CRPPA: variants seen among roughly 807,000 people sequenced by gnomAD.
CRPPA encodes D-ribitol-5-phosphate cytidylyltransferase.
CRPPA carries 43 observed loss-of-function variants against 52.0 expected under a neutral mutation model. The observed-to-expected ratio is 0.83, with a 90% CI of 0.65 to 1.07. The LOEUF (loss-of-function observed/expected upper bound fraction) is 1.07, where lower values mean the gene tolerates loss of function less well. Ranked by LOEUF, CRPPA falls within the 50% of genes least tolerant of loss-of-function variation. CRPPA has a pLI of 0.00. For synonymous variants in CRPPA, 250 were observed against 203.5 expected (o/e 1.23, Z -1.94); for missense variants, 629 against 551.7 (o/e 1.14, Z -1.40).
chr7:16,266,470 T>C (rs531165288), intron 6 of CRPPA, among the ~76,000 whole-genome samples: 2 of 140,656 alleles, frequency 1.4e-5, no homozygotes, highest in South Asian at 4.4e-4. Context: ...AAGGCTCCCG[T>C]TTTTTGTTTT....
At position 16,089,447 on chromosome 7, in the gene CRPPA, GCATA is replaced by G. The variant is rs1325312102; in HGVS notation, c.*2244_*2247del. The G allele has an allele frequency of 6.9e-6, 2 of 290,598 alleles. No homozygotes were observed. Among genetic ancestry groups the G allele is most frequent in the African/African-American group, 5.7e-5 (2 of 35,114 alleles). The allele number at this position is 290,598 out of a possible 1,614,324, so 18.0% of individuals were successfully genotyped here. The stretch of plus-strand genomic sequence containing the variant: ...TACATATATGTGTATATATGTACGT[GCATA>G]CATATATGTGTATATATGTACGTAC... On this transcript the variant is annotated 3_prime_UTR_variant, in exon 10 of 10. Transcript: ENST00000407010.
At chr7:16,334,661 A>G (rs777076630) in intron 3 of CRPPA, among the ~76,000 whole-genome samples, 1 of 152,150 alleles carries the variant, frequency 6.6e-6, no homozygotes, top group Non-Finnish European at 1.5e-5. Flanking sequence ...AACTCAGGTG[A>G]CAGCCTCAAC....
intron 3 of CRPPA, among the ~76,000 whole-genome samples, chr7:16,311,553 C>T (rs1280039450): frequency 6.6e-6 from 1 of 152,044 alleles, no homozygotes; most frequent in Non-Finnish European, 1.5e-5. Flanking sequence ...TGATGTACCA[C>T]AGTTTGTTTA....
intron 9 of CRPPA, among the ~76,000 whole-genome samples, chr7:16,185,728 T>C (rs759606398): frequency 2.3e-4 from 35 of 152,208 alleles, no homozygotes; most frequent in Admixed American, 1.3e-4. Flanking sequence ...AAATAAATTT[T>C]CTAGGTATCA....
intron 3 of CRPPA, among the ~76,000 whole-genome samples, chr7:16,352,746 T>C (rs185692724): frequency 2.6e-5 from 4 of 152,290 alleles, no homozygotes; most frequent in African/African-American, 9.6e-5. Context: ...CTTCTGGGTA[T>C]ATATCCAAAG....
intron 2 of CRPPA, among the ~76,000 whole-genome samples, chr7:16,387,975 TTTA>T (rs1187818173): frequency 6.6e-6 from 1 of 152,150 alleles, no homozygotes; most frequent in African/African-American, 2.4e-5. Context: ...TGGAAACTAA[TTTA>T]TTCTTTTCTT....
At chr7:16,206,850 C>T (rs931388523) in intron 9 of CRPPA, among the ~76,000 whole-genome samples, 5 of 152,052 alleles carry the variant, frequency 3.3e-5, no homozygotes, top group African/African-American at 1.2e-4. Context: ...ATTAAACCAA[C>T]TCATTTCTAA....
At chr7:16,389,030 A>C (rs1200024099) in intron 2 of CRPPA, among the ~76,000 whole-genome samples, 10 of 152,244 alleles carry the variant, frequency 6.6e-5, no homozygotes, top group Admixed American at 6.5e-4. Context: ...TAAAATTAAC[A>C]TATTCCTAGA....
intron 8 of CRPPA, among the ~76,000 whole-genome samples, chr7:16,249,395 T>G (rs1783376107): frequency 6.6e-6 from 1 of 152,152 alleles, no homozygotes; most frequent in Admixed American, 6.5e-5. Context: ...ACCGACTGCC[T>G]GCTCAAGTGG....
intron 9 of CRPPA, among the ~76,000 whole-genome samples, chr7:16,094,833 C>A (rs575365100): frequency 1.4e-4 from 21 of 152,150 alleles, no homozygotes; most frequent in Admixed American, 6.6e-4. Flanking sequence ...ATATACCTGA[C>A]AAGTGCTCCT....
chr7:16,314,861 T>G (rs1365652350), intron 3 of CRPPA, among the ~76,000 whole-genome samples: 2 of 152,076 alleles, frequency 1.3e-5, no homozygotes, highest in African/African-American at 4.8e-5. Flanking sequence ...TTAGGTGTAG[T>G]TTATTTGGAA....
At chr7:16,257,062 G>T (rs1783662290) in intron 8 of CRPPA, among the ~76,000 whole-genome samples, 1 of 152,080 alleles carries the variant, frequency 6.6e-6, no homozygotes, top group African/African-American at 2.4e-5. Flanking sequence ...GGGCCTAGCA[G>T]TGTGCTAGAA....
At chr7:16,114,457 A>G (rs1186938328) in intron 9 of CRPPA, among the ~76,000 whole-genome samples, 1 of 152,106 alleles carries the variant, frequency 6.6e-6, no homozygotes, top group Non-Finnish European at 1.5e-5. Context: ...GTGGCAACTA[A>G]GGGCAAACTG....
At chr7:16,345,966 G>A (rs1432762557) in intron 3 of CRPPA, among the ~76,000 whole-genome samples, 1 of 152,092 alleles carries the variant, frequency 6.6e-6, no homozygotes, top group Non-Finnish European at 1.5e-5. Context: ...ATTTCTCAAA[G>A]TCTCGTTGTA....
chr7:16,286,098 ATAT>A lies in CRPPA; in HGVS notation c.836-7875_836-7873del, dbSNP rs1194351042. 1.9e-3 allele frequency among the ~76,000 whole-genome samples: 36 copies of A among 19,138 alleles called. 4 individuals carry two copies. The highest frequency in any genetic ancestry group is 7.9e-3 in the African/African-American group (27 of 3,408). The allele number at this position is 19,138 out of a possible 152,430, so 12.6% of individuals were successfully genotyped here. A position where few individuals can be genotyped will look rare whatever the true frequency, so the allele number is the denominator to read the frequency against. On this transcript the variant is annotated intron_variant, in intron 5 of 9. Transcript: ENST00000407010. The stretch of plus-strand genomic sequence containing the variant: ...ATATATATAATATTTAAAAAAAAAA[ATAT>A]ATATATATATATATATGCCAAAAAG...
At chr7:16,291,364 G>A (rs1784560948) in intron 5 of CRPPA, among the ~76,000 whole-genome samples, 1 of 151,864 alleles carries the variant, frequency 6.6e-6, no homozygotes, top group African/African-American at 2.4e-5. Flanking sequence ...GATGAATGAA[G>A]AAAATGTGGC....
At position 16,216,147 on chromosome 7, in the gene CRPPA, G is replaced by A. The variant is rs760178734; in HGVS notation, c.1170C>T (p.Asn390=). The A allele has an allele frequency of 2.3e-5, 36 of 1,594,188 alleles. No individual in the cohort carries two copies. In the South Asian group the frequency reaches 3.8e-4, roughly 17 times the overall value. ...KLVPPSQKME[N]LMQIREFAKE... is the part of the protein sequence containing the mutation. ...TTGCAAATTCTCTAATCTGCATTAG[G>A]TTTTCCATTTTCTGACTGGGAGGTA... Residue 390 remains asparagine (N), a synonymous_variant, in exon 9 of 10, where the codon AAC becomes AAT. Transcript: ENST00000407010.
At chr7:16,227,680 A>G (rs1388324557) in intron 8 of CRPPA, among the ~76,000 whole-genome samples, 1 of 151,808 alleles carries the variant, frequency 6.6e-6, no homozygotes, top group East Asian at 1.9e-4. Flanking sequence ...TATGAGATGT[A>G]TGGTTCCTCT....
chr7:16,268,571 C>G (rs1290087109), intron 6 of CRPPA, among the ~76,000 whole-genome samples: 1 of 152,080 alleles, frequency 6.6e-6, no homozygotes, highest in East Asian at 1.9e-4. Context: ...CATTGTTTAG[C>G]TTAGAGGTTC....
Sources: allele counts gnomAD v4.1 joint callset (sites outside exome capture counted in the v4.1 genomes callset), GRCh38; gene constraint gnomAD v4.1.1; transcripts MANE v1.5; gene names NCBI Gene and HGNC (gene_info 2026-07-23, HGNC 2026-07-21).